POLA1: variants seen among roughly 807,000 people sequenced by gnomAD.
POLA1 encodes DNA polymerase alpha catalytic subunit.
In POLA1, 15 loss-of-function variants were observed where a neutral mutation model predicts 124.0. The observed-to-expected ratio is 0.12, with a 90% CI of 0.08 to 0.19. The LOEUF is 0.19. POLA1 is among the 10% of genes least tolerant of loss of function. The pLI, the probability that POLA1 is intolerant of heterozygous loss-of-function variation, is 1.00. For missense variants in POLA1, 886 were observed against 1,103.4 expected, an observed-to-expected ratio of 0.80 and a Z score of 2.79; for synonymous variants, 408 against 389.4, an observed-to-expected ratio of 1.05 and a Z score of -0.56.
chrX:24,732,608 T>TG (rs1930996562), intron 16 of POLA1, among the ~76,000 whole-genome samples, 154 bp downstream of exon 16: 1 of 107,916 alleles, frequency 9.3e-6, no homozygotes, highest in Non-Finnish European at 1.9e-5. Context: ...TGTTTTTTTT[T>TG]TTTTTGCCAT....
At chrX:24,728,067 A>G (rs933639718) in intron 15 of POLA1, 131 bp downstream of exon 15, 14 of 440,507 alleles carry the variant, frequency 3.2e-5, no homozygotes, top group Non-Finnish European at 4.8e-5. Context: ...CTAAACTCTT[A>G]TAGAGAATGA....
At chrX:24,714,232 A>G (rs1345786737) in intron 4 of POLA1, among the ~76,000 whole-genome samples, 2 of 111,708 alleles carry the variant, frequency 1.8e-5, no homozygotes, top group African/African-American at 6.5e-5. Flanking sequence ...ATCTTGGCTC[A>G]CTGCAAGCTC....
chrX:24,761,207 G>A (rs1932787966), intron 26 of POLA1, among the ~76,000 whole-genome samples: 1 of 111,834 alleles, frequency 8.9e-6, no homozygotes, highest in South Asian at 3.7e-4. Flanking sequence ...GTTTTTATTG[G>A]CTTTGTTGTT....
At chrX:24,786,642 A>G (rs1374321329) in intron 26 of POLA1, among the ~76,000 whole-genome samples, 1 of 99,991 alleles carries the variant, frequency 1.0e-5, no homozygotes, top group African/African-American at 3.7e-5. Context: ...CCAAGTAGCT[A>G]GGACTGTGGG....
At chrX:24,991,892 A>G (rs1393726623) in intron 36 of POLA1, among the ~76,000 whole-genome samples, 2 of 112,652 alleles carry the variant, frequency 1.8e-5, no homozygotes, top group Non-Finnish European at 3.7e-5. Flanking sequence ...ATGGGTGAGA[A>G]TGGTCCTCTA....
intron 36 of POLA1, among the ~76,000 whole-genome samples, chrX:24,989,732 G>A (rs767495631): frequency 1.8e-5 from 2 of 108,211 alleles, no homozygotes; most frequent in East Asian, 5.8e-4. Flanking sequence ...AGGTTTTTGC[G>A]AATTGCAGTA....
chrX:24,817,935 A>ATTTTTTTTTTTTTTTTTTTTTTTT (rs747221901), intron 30 of POLA1, among the ~76,000 whole-genome samples: 1 of 81,514 alleles, frequency 1.2e-5, no homozygotes, highest in African/African-American at 4.7e-5. Context: ...TCATGACAAT[A>ATTTTTTTTTTTTTTTTTTTTTTTT]TTTTTTTTTT....
intron 34 of POLA1, among the ~76,000 whole-genome samples, chrX:24,883,551 C>G (rs1352719857): frequency 8.9e-6 from 1 of 111,960 alleles, no homozygotes; most frequent in Admixed American, 9.5e-5. Flanking sequence ...TAATCAGAAC[C>G]AATCAACATT....
intron 36 of POLA1, among the ~76,000 whole-genome samples, chrX:24,932,712 G>A (rs1048454133): frequency 3.6e-5 from 4 of 111,404 alleles, no homozygotes; most frequent in African/African-American, 1.3e-4. Context: ...TGTGACTGAA[G>A]GAACTTCATG....
Position 24,714,614 on chromosome X carries a change from A to G in POLA1, c.407A>G (p.Lys136Arg). ...KRNVKKLAVTKPNNIKSMFIA... is the reference protein window; with the variant it reads ...KRNVKKLAVTRPNNIKSMFIA... ...AATGTAAAGAAGCTCGCAGTGACAA[A>G]ACCGAACAACATTAAGTCAATGTTC... The change falls in exon 5 of 37, where the codon AAA becomes AGA. Residue 136 changes from lysine (K) to arginine (R), a missense_variant. Lys to Arg is a conservative substitution (Grantham distance 26). Around this residue, in one of 7 missense-constraint regions of POLA1, gnomAD observed 337 missense variants for 402.8 expected, o/e 0.84. Transcript: ENST00000379068. 8.3e-7 allele frequency: 1 copy of G among 1,201,492 alleles called. No individual in the cohort carries two copies. The highest frequency in any genetic ancestry group is 1.1e-6 in the Non-Finnish European group (1 of 887,699).
At chrX:24,909,685 G>C (rs1462439848) in intron 35 of POLA1, among the ~76,000 whole-genome samples, 4 of 111,544 alleles carry the variant, frequency 3.6e-5, no homozygotes, top group Non-Finnish European at 5.7e-5. Flanking sequence ...CTCCAGCTTT[G>C]TTCTTTTGGC....
intron 35 of POLA1, among the ~76,000 whole-genome samples, chrX:24,909,986 C>G (rs1284163466): frequency 9.0e-6 from 1 of 110,932 alleles, no homozygotes; most frequent in African/African-American, 3.3e-5. Context: ...GTATTTTATT[C>G]TCTTTGAAGC....
At chrX:24,775,762 G>A (rs1193741030) in intron 26 of POLA1, among the ~76,000 whole-genome samples, 1 of 112,170 alleles carries the variant, frequency 8.9e-6, no homozygotes, top group Admixed American at 9.5e-5. Flanking sequence ...TGTGTTATAT[G>A]CACAGTGTAG....
chrX:24,807,214 G>A (rs1161394976), intron 26 of POLA1, among the ~76,000 whole-genome samples: 5 of 112,080 alleles, frequency 4.5e-5, no homozygotes, highest in African/African-American at 1.6e-4. Context: ...AACAAGAGTA[G>A]AAGAAATTGG....
chrX:24,976,021 G>T (rs141744652), intron 36 of POLA1, among the ~76,000 whole-genome samples: 1,523 of 112,408 alleles, frequency 0.014, 20 homozygotes, highest in African/African-American at 0.047. Flanking sequence ...TAATAAGAAA[G>T]TACATACACT....
At position 24,754,803 on chromosome X, in the gene POLA1, T is replaced by G. The variant is rs1280376034; in HGVS notation, c.2964+5811T>G. 1.7e-4 allele frequency among the ~76,000 whole-genome samples: 19 copies of G among 112,186 alleles called. No individual in the cohort carries two copies. In the Admixed American group the frequency reaches 1.8e-3, roughly 11 times the overall value. Reference sequence around the variant, plus strand: ...CATGCTATACATATTCTTTTGCAGTTTGGAAAAGCAGGAGAAAAACTCTAC... The same window carrying G: ...CATGCTATACATATTCTTTTGCAGTGTGGAAAAGCAGGAGAAAAACTCTAC... On this transcript the variant is annotated intron_variant, in intron 26 of 36. Transcript: ENST00000379068.
chrX:24,708,551 TC>T (rs1352300104), intron 4 of POLA1, among the ~76,000 whole-genome samples: 1 of 62,778 alleles, frequency 1.6e-5, no homozygotes, highest in Admixed American at 2.0e-4. Flanking sequence ...AGTGTTTGTG[TC>T]CCTGATTACT....
chrX:24,889,160 G>A (rs908854814), intron 35 of POLA1, among the ~76,000 whole-genome samples: 3 of 111,040 alleles, frequency 2.7e-5, no homozygotes, highest in South Asian at 3.9e-4. Flanking sequence ...GTGAGCCACC[G>A]CACCCGGCCA....
Position 24,826,612 on chromosome X carries a change from C to T in POLA1, c.3736+11C>T. ...TTGCAACGTGGTTGGGTAAGTGTCC[C>T]AAGCTCACATAGAACCTCACATGGT... is the stretch of plus-strand genomic sequence containing the variant. On this transcript the variant is annotated intron_variant, in intron 32 of 36. Coordinates refer to ENST00000379068, the MANE Select transcript of POLA1 (RefSeq NM_001330360.2). The T allele has an allele frequency of 8.7e-7, 1 of 1,147,221 alleles. No individual in the cohort carries two copies. Among genetic ancestry groups the T allele is most frequent in the Non-Finnish European group, 1.2e-6 (1 of 845,244 alleles). 94.5% of individuals were successfully genotyped at this position (1,147,221 alleles called of 1,213,427 possible).
Sources: gnomAD v4.1 joint callset for allele counts (sites outside exome capture counted in the v4.1 genomes callset) on GRCh38, gnomAD v4.1.1 for gene constraint, gnomAD v4.1.1 regional missense constraint, MANE v1.5 for transcripts, NCBI Gene and HGNC (gene_info 2026-07-23, HGNC 2026-07-21) for gene names.